The following HTRA1 variants were observed in gnomAD, a reference collection of about 807,000 sequenced individuals.
The protein encoded by HTRA1 is HtrA serine peptidase 1.
In HTRA1, 26 loss-of-function variants were observed where a neutral mutation model predicts 49.7. That is an observed-to-expected ratio of 0.52 (90% CI 0.38 to 0.73). The LOEUF (loss-of-function observed/expected upper bound fraction) is 0.73, where lower values mean the gene tolerates loss of function less well. HTRA1 is among the 30% of genes least tolerant of loss of function. The probability of loss-of-function intolerance (pLI) is 0.00; values close to 1 mark genes in which losing one functional copy is unlikely to be tolerated. For synonymous variants in HTRA1, 291 were observed against 286.9 expected, an observed-to-expected ratio of 1.01 and a Z score of -0.14; for missense variants, 561 against 667.2, an observed-to-expected ratio of 0.84 and a Z score of 1.75.
At chr10:122,503,825 G>T (rs1235576164) in intron 3 of HTRA1, among the ~76,000 whole-genome samples, 5 of 152,102 alleles carry the variant, frequency 3.3e-5, no homozygotes. Context: ...CTGTCTTAGG[G>T]TTGCCCTTCA....
In HTRA1 at chr10:122,506,818, G is replaced by A. The variant is rs2133449474; in HGVS notation, c.905G>A (p.Arg302Gln). 6.2e-7 allele frequency: 1 copy of A among 1,613,818 alleles called. No homozygotes were observed. Among genetic ancestry groups the A allele is most frequent in the Non-Finnish European group, 8.5e-7 (1 of 1,179,994 alleles). The change falls in exon 4 of 9, where the codon CGA (arginine) becomes CAA (glutamine). Residue 302 changes from arginine to glutamine, a missense_variant. Coordinates refer to ENST00000368984, the MANE Select transcript of HTRA1 (RefSeq NM_002775.5). This position sits in a 1 kb window ranked among gnomAD's most constrained non-coding sequence, Gnocchi z 5.2. ...VTTGIVSTTQ[R>Q]GGKELGLRNS... ...ACCGGGATCGTGAGCACCACCCAGC[G>A]AGGCGGCAAAGAGCTGGGGCTCCGC...
chr10:122,492,403 C>T (rs1325384370), intron 3 of HTRA1, among the ~76,000 whole-genome samples: 2 of 152,136 alleles, frequency 1.3e-5, no homozygotes, highest in African/African-American at 4.8e-5. Context: ...GCGCCATCTC[C>T]GCTCACTGCA....
At chr10:122,475,094 C>T (rs1034457314) in intron 1 of HTRA1, among the ~76,000 whole-genome samples, 20 of 152,216 alleles carry the variant, frequency 1.3e-4, no homozygotes, top group African/African-American at 4.1e-4. Flanking sequence ...AAGCACATTT[C>T]GAATCTACTC....
rs1332259246 is a variant in HTRA1 at position 122,464,544 on chromosome 10, A to G, written c.472+2420A>G. Among the ~76,000 whole-genome samples the G allele has an allele frequency of 6.6e-6, 1 of 152,218 alleles. No homozygotes were observed. The highest frequency in any genetic ancestry group is 2.4e-5 in the African/African-American group (1 of 41,462). ...GTACTTGGTACGAGTGGATTAGTGA[A>G]TGAATAAATGAATGAATGAAGACAA... On this transcript the variant is annotated intron_variant, in intron 1 of 8. Transcript: ENST00000368984. The surrounding 1 kb of genome is among the most constrained non-coding windows in gnomAD (Gnocchi z 4.8).
In HTRA1 at chr10:122,510,244, A is replaced by T. The variant is rs1353431869; in HGVS notation, c.1178+91A>T. On this transcript the variant is annotated intron_variant, in intron 7 of 8. Coordinates refer to ENST00000368984, the MANE Select transcript of HTRA1 (RefSeq NM_002775.5). ...CGGGCACCCCTGAAAGAGAAACCTT[A>T]TGCTGCCTTAAGACGTCTCAGTTTC... is the stretch of plus-strand genomic sequence containing the variant. 5 of 1,011,664 alleles carry T rather than the reference A, an allele frequency of 4.9e-6. No individual in the cohort carries two copies. In the African/African-American group the frequency reaches 7.9e-5, roughly 16 times the overall value. The allele number at this position is 1,011,664 out of a possible 1,614,324, so 62.7% of individuals were successfully genotyped here. A position where few individuals can be genotyped will look rare whatever the true frequency, so the allele number is the denominator to read the frequency against.
At position 122,461,599 on chromosome 10, in the gene HTRA1, C is replaced by A. The variant is rs1275470694; in HGVS notation, c.-54C>A. On this transcript the variant is annotated 5_prime_UTR_variant, in exon 1 of 9. Transcript: ENST00000368984. ...GGCCCTCCTGCACTCTCCCCGGCGCCGCTCTCCGGCCCTCGCCCTGTCCGC... is the reference window on the plus strand; with the variant it reads ...GGCCCTCCTGCACTCTCCCCGGCGCAGCTCTCCGGCCCTCGCCCTGTCCGC... 4.1e-5 allele frequency: 48 copies of A among 1,165,224 alleles called. No homozygotes were observed. The highest frequency in any genetic ancestry group is 5.3e-5 in the Non-Finnish European group (47 of 890,780). The allele number at this position is 1,165,224 out of a possible 1,614,324, so 72.2% of individuals were successfully genotyped here.
Position 122,510,108 on chromosome 10 carries a change from C to T in HTRA1, c.1133C>T (p.Thr378Ile). The part of the protein sequence containing the change: ...HDRQAKGKAI[T>I]KKKYIGIRMM... The stretch of plus-strand genomic sequence containing the variant: ...GTTGTCTCACCAGGAAAAGCCATCA[C>T]CAAGAAGAAGTATATTGGTATCCGA... Residue 378 changes from threonine (T) to isoleucine (I), a missense_variant, in exon 7 of 9, where the codon ACC (threonine) becomes ATC (isoleucine). Thr to Ile is a moderately conservative substitution (Grantham distance 89). Transcript: ENST00000368984. 6.2e-7 allele frequency: 1 copy of T among 1,614,024 alleles called. No individual in the cohort carries two copies. Among genetic ancestry groups the T allele is most frequent in the Non-Finnish European group, 8.5e-7 (1 of 1,179,892 alleles).
chr10:122,499,063 T>A (rs1315203969), intron 3 of HTRA1, among the ~76,000 whole-genome samples: 1 of 152,170 alleles, frequency 6.6e-6, no homozygotes, highest in Admixed American at 6.5e-5. Flanking sequence ...GATGATACCG[T>A]GGTTGTTCTG....
intron 1 of HTRA1, among the ~76,000 whole-genome samples, chr10:122,463,097 C>T (rs944986141): frequency 2.6e-5 from 4 of 152,270 alleles, no homozygotes; most frequent in Admixed American, 2.0e-4. Flanking sequence ...TGGGCGCAGC[C>T]GTGCCGCTGC....
In HTRA1 at chr10:122,487,590, T is replaced by C. The variant is rs1015465831; in HGVS notation, c.473-1312T>C. Among the ~76,000 whole-genome samples the C allele has an allele frequency of 6.6e-6, 1 of 152,202 alleles. No homozygotes were observed. Among genetic ancestry groups the C allele is most frequent in the Non-Finnish European group, 1.5e-5 (1 of 68,038 alleles). ...ACGCCCACCACGTGGGGCCACTCAC[T>C]GTAATATAAACGGTCATGCATCACT... On this transcript the variant is annotated intron_variant, in intron 1 of 8. Coordinates refer to ENST00000368984, the MANE Select transcript of HTRA1 (RefSeq NM_002775.5). The surrounding 1 kb of genome is among the most constrained non-coding windows in gnomAD (Gnocchi z 4.8).
chr10:122,502,771 TG>T (rs1215058621), intron 3 of HTRA1, among the ~76,000 whole-genome samples: 1 of 152,162 alleles, frequency 6.6e-6, no homozygotes, highest in East Asian at 1.9e-4. Flanking sequence ...GCACCAAACT[TG>T]AGCTACAAGA....
intron 3 of HTRA1, among the ~76,000 whole-genome samples, chr10:122,505,596 G>A (rs554773945): frequency 1.1e-3 from 164 of 152,266 alleles, no homozygotes; most frequent in Non-Finnish European, 2.0e-3. Context: ...CATCCCTGGT[G>A]GAGGAGATGA....
chr10:122,507,931 A>G (rs1001156631), intron 5 of HTRA1, among the ~76,000 whole-genome samples: 2 of 137,224 alleles, frequency 1.5e-5, no homozygotes, highest in Non-Finnish European at 3.2e-5. Context: ...GAAGCCTTAG[A>G]ACACAGACCA....
intron 3 of HTRA1, among the ~76,000 whole-genome samples, chr10:122,503,217 C>T (rs2097501674): frequency 6.6e-6 from 1 of 152,252 alleles, no homozygotes; most frequent in South Asian, 2.1e-4. Context: ...TGGCTGTGCA[C>T]TTCCAGCCAT....
intron 1 of HTRA1, among the ~76,000 whole-genome samples, chr10:122,468,595 C>T (rs1412118880): frequency 6.6e-6 from 1 of 152,098 alleles, no homozygotes; most frequent in Non-Finnish European, 1.5e-5. Flanking sequence ...CGGAATTTGC[C>T]ATCTAATATG....
intron 3 of HTRA1, among the ~76,000 whole-genome samples, chr10:122,495,848 G>C (rs150996182): frequency 1.7e-3 from 256 of 152,278 alleles, no homozygotes; most frequent in Non-Finnish European, 2.9e-3. Flanking sequence ...CAGAGTATCA[G>C]AGTCCAGGGT....
intron 1 of HTRA1, among the ~76,000 whole-genome samples, chr10:122,462,848 A>G (rs1043164347): frequency 6.6e-6 from 1 of 152,218 alleles, no homozygotes; most frequent in African/African-American, 2.4e-5. Context: ...GGACCGGGTT[A>G]GTGATGAGGA....
In HTRA1 at chr10:122,474,143, T is replaced by C. The variant is rs371448697; in HGVS notation, c.472+12019T>C. The stretch of plus-strand genomic sequence containing the variant: ...GGGATTACGCACTGAAAGGAAAACA[T>C]GAGGAAATGCACTTTTCAGATTTAT... On this transcript the variant is annotated intron_variant, in intron 1 of 8. Transcript: ENST00000368984. Among the ~76,000 whole-genome samples, 29 of 152,206 alleles carry C rather than the reference T, an allele frequency of 1.9e-4. No individual in the cohort carries two copies. The South Asian group carries it at 5.8e-3, about 31-fold the overall frequency.
chr10:122,461,611 CT>C lies in HTRA1; in HGVS notation c.-41del. The C allele has an allele frequency of 8.1e-7, 1 of 1,233,884 alleles. No individual in the cohort carries two copies. Among genetic ancestry groups the C allele is most frequent in the Non-Finnish European group, 1.1e-6 (1 of 949,934 alleles). 76.4% of individuals were successfully genotyped at this position (1,233,884 alleles called of 1,614,324 possible). On this transcript the variant is annotated 5_prime_UTR_variant, in exon 1 of 9. Coordinates refer to ENST00000368984, the MANE Select transcript of HTRA1 (RefSeq NM_002775.5). ...CTCTCCCCGGCGCCGCTCTCCGGCCCTCGCCCTGTCCGCCGCCACCGCCGCC... is the reference window on the plus strand; with the variant it reads ...CTCTCCCCGGCGCCGCTCTCCGGCCCCGCCCTGTCCGCCGCCACCGCCGCC...
Sources: gnomAD v4.1 joint callset for allele counts (sites outside exome capture counted in the v4.1 genomes callset) on GRCh38, gnomAD v4.1.1 for gene constraint, Gnocchi (gnomAD v3.1) non-coding constraint, MANE v1.5 for transcripts, NCBI Gene and HGNC (gene_info 2026-07-23, HGNC 2026-07-21) for gene names.